Variants in FRMD6 observed in about 807,000 individuals in gnomAD.
The protein encoded by FRMD6 is FERM domain-containing protein 6.
A neutral mutation model predicts 73.2 loss-of-function variants in FRMD6; 37 were observed. The observed-to-expected ratio is 0.51, with a 90% CI of 0.39 to 0.66. FRMD6 has a LOEUF of 0.66. FRMD6 is among the 30% of genes least tolerant of loss of function. The probability of loss-of-function intolerance (pLI) is 0.00; values close to 1 mark genes in which losing one functional copy is unlikely to be tolerated. For missense variants in FRMD6, 714 were observed against 780.5 expected, an observed-to-expected ratio of 0.91 and a Z score of 1.02; for synonymous variants, 273 against 282.2, an observed-to-expected ratio of 0.97 and a Z score of 0.33.
the FRMD6 span, among the ~76,000 whole-genome samples, chr14:51,430,897 G>A: frequency 2.6e-5 from 4 of 152,168 alleles, no homozygotes; most frequent in Non-Finnish European, 5.9e-5. Context: ...TCTGTGGTGT[G>A]GCTCTGAAAT....
At chr14:51,721,927 T>C in intron 11 of FRMD6, 22 bp from the exon 12 acceptor site, 1 of 1,613,582 alleles carries the variant, frequency 6.2e-7, no homozygotes, top group East Asian at 2.2e-5. Context: ...TCATTAACTA[T>C]CTTTTCCTTC....
chr14:51,509,901 C>T (rs1173110026), intron 1 of FRMD6, among the ~76,000 whole-genome samples: 1 of 152,192 alleles, frequency 6.6e-6, no homozygotes, highest in African/African-American at 2.4e-5. Flanking sequence ...GCTGGGATTT[C>T]AGGCATTAGC....
At chr14:51,709,141 C>T (rs1232264678) in intron 7 of FRMD6, among the ~76,000 whole-genome samples, 1 of 152,160 alleles carries the variant, frequency 6.6e-6, no homozygotes, top group East Asian at 1.9e-4. Flanking sequence ...GGTGTATTCT[C>T]AAACCAAATG....
At chr14:51,587,642 T>C (rs1285614728) in intron 2 of FRMD6, among the ~76,000 whole-genome samples, 1 of 152,138 alleles carries the variant, frequency 6.6e-6, no homozygotes, top group Non-Finnish European at 1.5e-5. Context: ...ATGGAGATGC[T>C]TGCATGTGTA....
intron 1 of FRMD6, among the ~76,000 whole-genome samples, chr14:51,491,060 G>A (rs1882974548): frequency 6.6e-6 from 1 of 152,160 alleles, no homozygotes. Flanking sequence ...AAGTTGAATG[G>A]GGAGTGGGGT....
At chr14:51,665,180 C>T (rs920818950) in intron 1 of FRMD6, among the ~76,000 whole-genome samples, 1 of 152,094 alleles carries the variant, frequency 6.6e-6, no homozygotes, top group African/African-American at 2.4e-5. Flanking sequence ...CATTTTATAC[C>T]TTCTCTTGAA....
chr14:51,405,808 CT>C, the FRMD6 span, among the ~76,000 whole-genome samples: 1 of 152,054 alleles, frequency 6.6e-6, no homozygotes, highest in Non-Finnish European at 1.5e-5. Flanking sequence ...TTGATCGTTT[CT>C]TTTGCTGTGC....
the FRMD6 span, among the ~76,000 whole-genome samples, chr14:51,408,974 A>G: frequency 6.6e-6 from 1 of 152,222 alleles, no homozygotes; most frequent in Non-Finnish European, 1.5e-5. Flanking sequence ...TGGATATCCT[A>G]GGTAGCGTGA....
At chr14:51,421,897 C>T in the FRMD6 span, among the ~76,000 whole-genome samples, 25,941 of 152,124 alleles carry the variant, frequency 0.17, 2,396 homozygotes, top group Middle Eastern at 0.26. Flanking sequence ...CACTTGGCCC[C>T]ACACCATCTG....
chr14:51,569,693 G>C (rs773205503), intron 1 of FRMD6, among the ~76,000 whole-genome samples: 1 of 151,018 alleles, frequency 6.6e-6, no homozygotes, highest in South Asian at 2.1e-4. Context: ...GTGGAGACAG[G>C]GTTTTGCCAT....
intron 2 of FRMD6, chr14:51,637,812 C>CTTT (rs1186117534): frequency 9.2e-5 from 14 of 152,134 alleles, no homozygotes; most frequent in African/African-American, 3.4e-4. Flanking sequence ...GTATCTTTAC[C>CTTT]TTTTCATGAC....
intron 2 of FRMD6, among the ~76,000 whole-genome samples, chr14:51,585,941 A>G (rs770569812): frequency 0.33 from 6,243 of 18,892 alleles, 1,007 homozygotes; most frequent in Middle Eastern, 0.48. Context: ...GTGTGTGTGT[A>G]TATATATATA....
At chr14:51,635,265 G>T (rs777090351) in intron 2 of FRMD6, among the ~76,000 whole-genome samples, 1 of 152,196 alleles carries the variant, frequency 6.6e-6, no homozygotes, top group Non-Finnish European at 1.5e-5. Context: ...GCATATTAGC[G>T]TGTGCCTGTG....
chr14:51,549,439 G>A (rs1440713427), intron 1 of FRMD6, among the ~76,000 whole-genome samples: 1 of 152,068 alleles, frequency 6.6e-6, no homozygotes, highest in Admixed American at 6.5e-5. Context: ...CCTGTGGAGC[G>A]AGGTTTGGTT....
At chr14:51,599,729 C>T (rs138057202) in intron 2 of FRMD6, 1 of 152,102 alleles carries the variant, frequency 6.6e-6, no homozygotes, top group African/African-American at 2.4e-5. Flanking sequence ...GCACAGGTTT[C>T]CTTAGTTCTG....
intron 1 of FRMD6, among the ~76,000 whole-genome samples, chr14:51,689,227 A>G (rs1437266127): frequency 6.6e-6 from 1 of 152,248 alleles, no homozygotes; most frequent in Non-Finnish European, 1.5e-5. Context: ...GGTGAAGTGA[A>G]GGAAGTGTAA....
intron 1 of FRMD6, among the ~76,000 whole-genome samples, chr14:51,521,718 GA>G (rs34994929): frequency 1.7e-3 from 239 of 138,770 alleles, no homozygotes; most frequent in Middle Eastern, 3.6e-3. Flanking sequence ...AGAAAGGCAG[GA>G]AAAAAAAAAA....
At chr14:51,487,941 G>A (rs915566819), upstream of FRMD6, among the ~76,000 whole-genome samples, 1 of 152,192 alleles carries the variant, frequency 6.6e-6, no homozygotes, top group Non-Finnish European at 1.5e-5. Context: ...ACTGAAATGG[G>A]CTTAAGGAGA....
At chr14:51,491,954 C>T (rs1200591781) in intron 1 of FRMD6, among the ~76,000 whole-genome samples, 1 of 152,226 alleles carries the variant, frequency 6.6e-6, no homozygotes, top group Non-Finnish European at 1.5e-5. Context: ...TCCAAGTGTC[C>T]TGTCGTGCCT....
Sources: allele counts gnomAD v4.1 joint callset (sites outside exome capture counted in the v4.1 genomes callset), GRCh38; gene constraint gnomAD v4.1.1; transcripts MANE v1.5; gene names NCBI Gene and HGNC (gene_info 2026-07-23, HGNC 2026-07-21).